ADAMTSL1: variants seen among roughly 807,000 people sequenced by gnomAD.
ADAMTSL1 encodes ADAMTS like 1.
ADAMTSL1 carries 126 observed loss-of-function variants against 201.8 expected under a neutral mutation model. The ratio of observed to expected loss-of-function variants is 0.62; its 90% CI spans 0.54 to 0.72. The LOEUF is 0.72. ADAMTSL1 is among the 30% of genes least tolerant of loss of function. The pLI is 0.00. For synonymous variants in ADAMTSL1, 1,121 were observed against 903.4 expected (o/e 1.24, Z -4.32); for missense variants, 2,679 against 2,277.8 (o/e 1.18, Z -3.59).
chr9:18,484,275 G>A (rs1044216494), intron 1 of ADAMTSL1, among the ~76,000 whole-genome samples: 4 of 152,134 alleles, frequency 2.6e-5, no homozygotes, highest in African/African-American at 9.7e-5. Flanking sequence ...CTTTCCAGTG[G>A]TTTTATGTTG....
At chr9:18,717,959 A>G (rs571571037) in intron 14 of ADAMTSL1, 8 of 1,497,196 alleles carry the variant, frequency 5.3e-6, no homozygotes, top group African/African-American at 2.8e-5. Context: ...CAGAGCTGCA[A>G]TGCACTTAGT....
intron 23 of ADAMTSL1, among the ~76,000 whole-genome samples, chr9:18,853,581 C>A (rs114124445): frequency 6.6e-6 from 1 of 152,158 alleles, no homozygotes; most frequent in African/African-American, 2.4e-5. Context: ...TCCTCCTAAC[C>A]TTGTGGTGGT....
intron 21 of ADAMTSL1, among the ~76,000 whole-genome samples, chr9:18,820,806 G>C (rs1271332243): frequency 6.6e-6 from 1 of 152,154 alleles, no homozygotes; most frequent in Non-Finnish European, 1.5e-5. Context: ...TCACTCCCAT[G>C]CTTGTTCTCT....
At position 18,684,819 on chromosome 9, in the gene ADAMTSL1, G is replaced by A; in HGVS notation, c.1574+19G>A. On this transcript the variant is annotated intron_variant, in intron 13 of 28. Coordinates refer to ENST00000380548, the MANE Select transcript of ADAMTSL1 (RefSeq NM_001040272.6). ...AGCCCTCGTAAGTTGTAAAAGCACA[G>A]ACTGTTCTATATTTGAAACTGTTTT... The A allele has an allele frequency of 4.4e-6, 7 of 1,599,948 alleles. No individual in the cohort carries two copies. The highest frequency in any genetic ancestry group is 6.0e-6 in the Non-Finnish European group (7 of 1,173,144).
chr9:18,288,922 G>A (rs975880974), intron 2 of ADAMTSL1, among the ~76,000 whole-genome samples: 1 of 152,182 alleles, frequency 6.6e-6, no homozygotes, highest in African/African-American at 2.4e-5. Context: ...TTGGCATTGT[G>A]AAACTGTAGG....
intron 20 of ADAMTSL1, among the ~76,000 whole-genome samples, chr9:18,801,291 A>G (rs996252761): frequency 1.8e-4 from 27 of 152,248 alleles, no homozygotes; most frequent in African/African-American, 6.3e-4. Context: ...TAATGTACAT[A>G]TCACAAAATT....
intron 1 of ADAMTSL1, among the ~76,000 whole-genome samples, chr9:18,047,782 G>A (rs373306773): frequency 4.6e-5 from 7 of 152,300 alleles, no homozygotes; most frequent in Admixed American, 3.3e-4. Context: ...CTCAGTTAGC[G>A]TTAATACTGA....
rs569235569 is a variant in ADAMTSL1 at position 18,000,181 on chromosome 9, C to G, written c.87+93259C>G. On this transcript the variant is annotated intron_variant, in intron 1 of 29. Transcript: ENST00000680146. ...TCTAGATCCCTGAGGAATCGCCACA[C>G]TGACTTCCACAATGGTTGAACTAGT... Among the ~76,000 whole-genome samples, 5 of 151,186 alleles carry G rather than the reference C, an allele frequency of 3.3e-5. No individual in the cohort carries two copies. The East Asian group carries it at 5.9e-4, about 18-fold the overall frequency.
chr9:18,236,070 C>A (rs1179957384), intron 2 of ADAMTSL1, among the ~76,000 whole-genome samples: 1 of 152,106 alleles, frequency 6.6e-6, no homozygotes, highest in African/African-American at 2.4e-5. Context: ...TGTTGCATAT[C>A]CATTTAAATT....
intron 2 of ADAMTSL1, among the ~76,000 whole-genome samples, chr9:18,186,113 A>G (rs992811419): frequency 6.6e-6 from 1 of 152,182 alleles, no homozygotes; most frequent in Admixed American, 6.5e-5. Context: ...TGCAGCCTGG[A>G]CAACCTGGCC....
chr9:18,853,477 A>G (rs1826631693), intron 23 of ADAMTSL1, among the ~76,000 whole-genome samples: 1 of 152,214 alleles, frequency 6.6e-6, no homozygotes, highest in Admixed American at 6.5e-5. Flanking sequence ...GTGGGGCCAC[A>G]GGACCAGTTA....
At chr9:18,073,950 G>A (rs1350218332) in intron 1 of ADAMTSL1, among the ~76,000 whole-genome samples, 1 of 150,366 alleles carries the variant, frequency 6.7e-6, no homozygotes, top group South Asian at 2.1e-4. Flanking sequence ...GAGGTTATCA[G>A]CCTGTTTCAT....
chr9:18,734,490 T>C (rs1029483632), intron 15 of ADAMTSL1, among the ~76,000 whole-genome samples: 1 of 152,160 alleles, frequency 6.6e-6, no homozygotes, highest in Non-Finnish European at 1.5e-5. Context: ...TCAGCAAACA[T>C]TTATAAAATT....
At chr9:18,680,174 A>C in intron 10 of ADAMTSL1, 138 bp from the exon 11 acceptor site, 2 of 793,418 alleles carry the variant, frequency 2.5e-6, no homozygotes, top group South Asian at 3.6e-5. Context: ...CAGGCAATAG[A>C]TGGCTTTTGG....
chr9:18,628,668 G>A (rs1022035450), intron 5 of ADAMTSL1, among the ~76,000 whole-genome samples: 1 of 152,082 alleles, frequency 6.6e-6, no homozygotes, highest in Non-Finnish European at 1.5e-5. Flanking sequence ...GAGGGGGTAG[G>A]AATTGACATC....
At chr9:18,466,197 T>C (rs1820999187) in intron 2 of ADAMTSL1, among the ~76,000 whole-genome samples, 1 of 152,220 alleles carries the variant, frequency 6.6e-6, no homozygotes, top group Admixed American at 6.5e-5. Flanking sequence ...GATTTTAACT[T>C]CTAGGAAATT....
chr9:18,856,314 T>C (rs1826843666), intron 23 of ADAMTSL1, among the ~76,000 whole-genome samples: 1 of 152,180 alleles, frequency 6.6e-6, no homozygotes, highest in Admixed American at 6.5e-5. Flanking sequence ...TATGAAATGA[T>C]GGTTTTTGGT....
chr9:18,676,943 T>G (rs2133136373), intron 10 of ADAMTSL1, among the ~76,000 whole-genome samples: 1 of 152,238 alleles, frequency 6.6e-6, no homozygotes, highest in South Asian at 2.1e-4. Context: ...CTCCCATTTC[T>G]TCCCGAACAA....
At chr9:18,262,655 A>G (rs1256629207) in intron 2 of ADAMTSL1, among the ~76,000 whole-genome samples, 2 of 152,190 alleles carry the variant, frequency 1.3e-5, no homozygotes, top group Admixed American at 6.5e-5. Context: ...TTTGGCACCT[A>G]CAAGAGCAGT....
Sources: gnomAD v4.1 joint callset for allele counts (sites outside exome capture counted in the v4.1 genomes callset) on GRCh38, gnomAD v4.1.1 for gene constraint, MANE v1.5 for transcripts, NCBI Gene and HGNC (gene_info 2026-07-23, HGNC 2026-07-21) for gene names.